IFNAR1: variants seen among roughly 807,000 people sequenced by gnomAD.
IFNAR1 encodes interferon alpha/beta receptor 1.
In IFNAR1, 47 loss-of-function variants were observed where a neutral mutation model predicts 62.1. The ratio of observed to expected loss-of-function variants is 0.76; its 90% CI spans 0.60 to 0.97. The LOEUF (loss-of-function observed/expected upper bound fraction) is 0.97. Among genes scored for constraint, IFNAR1 ranks in the 50% least tolerant of loss-of-function variants. The pLI is 0.00. For missense variants in IFNAR1, 638 were observed against 654.5 expected (o/e 0.97, Z 0.27); for synonymous variants, 219 against 226.9 (o/e 0.97, Z 0.31).
At chr21:33,343,893 C>T (rs1157011971) in intron 5 of IFNAR1, among the ~76,000 whole-genome samples, 3 of 152,224 alleles carry the variant, frequency 2.0e-5, no homozygotes, top group Non-Finnish European at 2.9e-5. Flanking sequence ...TAGTGGCCCA[C>T]GCCTGTAATC....
chr21:33,355,632 C>T lies in IFNAR1; in HGVS notation c.*83C>T. ...GAGGTCCTCACCTTCCTCTCAGTAA[C>T]TACAGAGAGGACGTTTCCCTGTTTA... On this transcript the variant is annotated 3_prime_UTR_variant, in exon 11 of 11. Transcript: ENST00000270139. 3.0e-6 allele frequency: 2 copies of T among 666,516 alleles called. No individual in the cohort carries two copies. The highest frequency in any genetic ancestry group is 5.1e-6 in the Non-Finnish European group (2 of 390,034). The allele number at this position is 666,516 out of a possible 1,614,324, so 41.3% of individuals were successfully genotyped here. A position where few individuals can be genotyped will look rare whatever the true frequency, so the allele number is the denominator to read the frequency against.
chr21:33,342,649 C>T (rs1235682587), intron 3 of IFNAR1, among the ~76,000 whole-genome samples: 2 of 149,166 alleles, frequency 1.3e-5, no homozygotes, highest in African/African-American at 2.5e-5. Context: ...TCGAGACCAT[C>T]CTGGCTAACA....
At chr21:33,332,456 C>T (rs536135747) in intron 1 of IFNAR1, among the ~76,000 whole-genome samples, 81 of 152,200 alleles carry the variant, frequency 5.3e-4, no homozygotes, top group African/African-American at 1.9e-3. Context: ...AACACAAAGA[C>T]ACAAAAACAT....
chr21:33,342,573 G>A (rs1196630421), intron 3 of IFNAR1, among the ~76,000 whole-genome samples: 5 of 151,826 alleles, frequency 3.3e-5, no homozygotes, highest in Non-Finnish European at 7.4e-5. Context: ...GGCCAGGCGC[G>A]GTGGCTCACG....
intron 1 of IFNAR1, 73 bp from the exon 2 acceptor site, chr21:33,335,451 T>C: frequency 1.2e-6 from 1 of 818,636 alleles, no homozygotes; most frequent in South Asian, 2.3e-5. Flanking sequence ...ATCAGGGATG[T>C]GAGGGATAGA....
chr21:33,333,673 G>T (rs2083204345), intron 1 of IFNAR1, among the ~76,000 whole-genome samples: 1 of 142,170 alleles, frequency 7.0e-6, no homozygotes, highest in Non-Finnish European at 1.5e-5. Context: ...GCCCAGGCTG[G>T]AGTGCAGTGG....
intron 8 of IFNAR1, 93 bp from the exon 9 acceptor site, chr21:33,352,665 A>G: frequency 3.0e-6 from 2 of 671,640 alleles, no homozygotes; most frequent in Non-Finnish European, 5.1e-6. Context: ...GGAGAGGCCA[A>G]TGTTAGACTG....
intron 2 of IFNAR1, among the ~76,000 whole-genome samples, chr21:33,338,127 G>T (rs1568928163): frequency 6.6e-6 from 1 of 152,132 alleles, no homozygotes; most frequent in East Asian, 1.9e-4. Context: ...AAAACATACA[G>T]TGGCCAACAA....
intron 8 of IFNAR1, among the ~76,000 whole-genome samples, chr21:33,350,161 G>A (rs577036279): frequency 1.3e-5 from 2 of 150,568 alleles, no homozygotes; most frequent in South Asian, 2.1e-4. Flanking sequence ...CACTATTGAC[G>A]TTTGGGCTGG....
Position 33,349,137 on chromosome 21 carries a change from C to A in IFNAR1, c.835C>A (p.Gln279Lys). The change falls in exon 7 of 11, where the codon CAA becomes AAA. Residue 279 changes from glutamine to lysine, a missense_variant. Gln to Lys is a moderately conservative substitution (Grantham distance 53). Coordinates refer to ENST00000270139, the MANE Select transcript of IFNAR1 (RefSeq NM_000629.3). ...TGGAAACCATTTGTATAAATGGAAACAAATACCTGACTGTGAAAATGTCAA... is the reference window on the plus strand; with the variant it reads ...TGGAAACCATTTGTATAAATGGAAAAAAATACCTGACTGTGAAAATGTCAA... ...NPGNHLYKWK[Q>K]IPDCENVKTT... 6.2e-7 allele frequency: 1 copy of A among 1,612,442 alleles called. No individual in the cohort carries two copies. Among genetic ancestry groups the A allele is most frequent in the Non-Finnish European group, 8.5e-7 (1 of 1,179,064 alleles).
At chr21:33,343,954 G>A (rs1316796645) in intron 5 of IFNAR1, among the ~76,000 whole-genome samples, 1 of 152,188 alleles carries the variant, frequency 6.6e-6, no homozygotes, top group Non-Finnish European at 1.5e-5. Context: ...CCAGAAGTTC[G>A]AGAACAGCCT....
Position 33,353,757 on chromosome 21 carries a change from C to T in IFNAR1, c.1414C>T (p.Leu472Phe), listed in dbSNP as rs780601546. 2.2e-5 allele frequency: 35 copies of T among 1,585,688 alleles called. No homozygotes were observed. The highest frequency in any genetic ancestry group is 3.0e-5 in the Non-Finnish European group (35 of 1,169,380). ...RCINYVFFPS[L>F]KPSSSIDEYF... Reference sequence around the variant, plus strand: ...CATCAATTATGTCTTCTTTCCATCACTTAAACCTTCTTCCAGTATAGATGA... The same window carrying T: ...CATCAATTATGTCTTCTTTCCATCATTTAAACCTTCTTCCAGTATAGATGA... Residue 472 changes from leucine to phenylalanine, a missense_variant, in exon 10 of 11, where the codon CTT becomes TTT. By Grantham distance (22) the Leu-to-Phe change is conservative. Transcript: ENST00000270139.
chr21:33,329,655 C>A (rs2083157929), intron 1 of IFNAR1, among the ~76,000 whole-genome samples: 1 of 152,054 alleles, frequency 6.6e-6, no homozygotes, highest in Non-Finnish European at 1.5e-5. Flanking sequence ...TTGTAGGAAC[C>A]ATAAATGAAT....
Position 33,327,100 on chromosome 21 carries a change from T to G in IFNAR1, c.76+1969T>G, listed in dbSNP as rs1046400659. On this transcript the variant is annotated intron_variant, in intron 1 of 10. Transcript: ENST00000270139. Reference sequence around the variant, plus strand: ...TATTTCTCAAACTTTTCCACAAATATGTAGTATACTTTTCCTAGGATGTGG... The same window carrying G: ...TATTTCTCAAACTTTTCCACAAATAGGTAGTATACTTTTCCTAGGATGTGG... Among the ~76,000 whole-genome samples the G allele has an allele frequency of 3.9e-5, 6 of 152,260 alleles. No individual in the cohort carries two copies. In the East Asian group the frequency reaches 1.2e-3, roughly 29 times the overall value.
chr21:33,330,554 C>T (rs2083166994), intron 1 of IFNAR1, among the ~76,000 whole-genome samples: 1 of 152,184 alleles, frequency 6.6e-6, no homozygotes, highest in Non-Finnish European at 1.5e-5. Context: ...CACACACACA[C>T]ACAATGTAGT....
At position 33,340,977 on chromosome 21, in the gene IFNAR1, ATTTG is replaced by A; in HGVS notation, c.201-18_201-15del. 6.6e-7 allele frequency: 1 copy of A among 1,512,754 alleles called. No individual in the cohort carries two copies. The highest frequency in any genetic ancestry group is 9.1e-7 in the Non-Finnish European group (1 of 1,093,816). The allele number at this position is 1,512,754 out of a possible 1,614,324, so 93.7% of individuals were successfully genotyped here. A position where few individuals can be genotyped will look rare whatever the true frequency, so the allele number is the denominator to read the frequency against. ...CATTTATACATTTGCTCACTCATTC[ATTTG>A]TTTTTTTTACTTTAAAGAACTGGGA... is the stretch of plus-strand genomic sequence containing the variant. On this transcript the variant is annotated intron_variant, in intron 2 of 10. Transcript: ENST00000270139.
chr21:33,343,410 T>C lies in IFNAR1; in HGVS notation c.519T>C (p.Ser173=). 1.2e-6 allele frequency: 2 copies of C among 1,612,248 alleles called. No individual in the cohort carries two copies. The highest frequency in any genetic ancestry group is 1.7e-6 in the Non-Finnish European group (2 of 1,178,598). The change falls in exon 4 of 11, where the codon TCT becomes TCC. Residue 173 remains serine, a synonymous_variant. Coordinates refer to ENST00000270139, the MANE Select transcript of IFNAR1 (RefSeq NM_000629.3). ...FTYSLVIWKN[S]SGVEERIENI... is the part of the protein sequence containing the mutation. ...ATAGCTTAGTTATCTGGAAAAACTCTTCAGGTGTAGAAGTAAGCATTATTT... is the reference window on the plus strand; with the variant it reads ...ATAGCTTAGTTATCTGGAAAAACTCCTCAGGTGTAGAAGTAAGCATTATTT...
rs146833454 is a variant in IFNAR1 at position 33,351,118 on chromosome 21, T to C, written c.1143+1575T>C. ...TATAGAAACTCTTATTGAATACTTA[T>C]ATGTAAGGTACTATGCTAAGTATTG... On this transcript the variant is annotated intron_variant, in intron 8 of 10. Coordinates refer to ENST00000270139, the MANE Select transcript of IFNAR1 (RefSeq NM_000629.3). Among the ~76,000 whole-genome samples, 220 of 152,368 alleles carry C rather than the reference T, an allele frequency of 1.4e-3. 1 individual carries two copies. The highest frequency in any genetic ancestry group is 4.8e-3 in the African/African-American group (201 of 41,584).
rs753896436 is a variant in IFNAR1 at position 33,325,094 on chromosome 21, C to A, written c.39C>A (p.Leu13=). The change falls in exon 1 of 11, where the codon CTC becomes CTA. Residue 13 remains leucine, a synonymous_variant. Coordinates refer to ENST00000270139, the MANE Select transcript of IFNAR1 (RefSeq NM_000629.3). The part of the protein sequence containing the change: ...VVLLGATTLV[L]VAVAPWVLSA... Reference sequence around the variant, plus strand: ...TCCTGGGCGCGACGACCCTAGTGCTCGTCGCCGTGGCGCCATGGGTGTTGT... The same window carrying A: ...TCCTGGGCGCGACGACCCTAGTGCTAGTCGCCGTGGCGCCATGGGTGTTGT... 6.2e-7 allele frequency: 1 copy of A among 1,610,920 alleles called. No individual in the cohort carries two copies. Among genetic ancestry groups the A allele is most frequent in the South Asian group, 1.1e-5 (1 of 90,752 alleles).
Sources: allele counts gnomAD v4.1 joint callset (sites outside exome capture counted in the v4.1 genomes callset), GRCh38; gene constraint gnomAD v4.1.1; transcripts MANE v1.5; gene names NCBI Gene and HGNC (gene_info 2026-07-23, HGNC 2026-07-21).